Variants in TCF4 observed in about 807,000 individuals in gnomAD.
The protein encoded by TCF4 is SL3-3 enhancer factor 2.
TCF4 carries 3 observed loss-of-function variants against 82.1 expected under a neutral mutation model. The observed-to-expected ratio is 0.04, with a 90% CI of 0.02 to 0.09. The LOEUF is 0.09. Among genes scored for constraint, TCF4 ranks in the 10% least tolerant of loss-of-function variants. TCF4 has a pLI of 1.00. For synonymous variants in TCF4, 276 were observed against 309.6 expected, an observed-to-expected ratio of 0.89 and a Z score of 1.14; for missense variants, 518 against 852.7, an observed-to-expected ratio of 0.61 and a Z score of 4.89.
intron 3 of TCF4, among the ~76,000 whole-genome samples, chr18:55,535,459 A>T (rs1392081793): frequency 6.6e-6 from 1 of 152,216 alleles, no homozygotes; most frequent in African/African-American, 2.4e-5. Flanking sequence ...AGATTTTCAG[A>T]ACTGCTATAT....
At chr18:55,360,855 G>A (rs111422293) in intron 6 of TCF4, among the ~76,000 whole-genome samples, 1,519 of 150,952 alleles carry the variant, frequency 0.01, 15 homozygotes, top group Non-Finnish European at 0.017. Context: ...AGCCTCCCGA[G>A]TAGCTGGGCT....
intron 3 of TCF4, among the ~76,000 whole-genome samples, chr18:55,572,506 A>G (rs1398299302): frequency 6.6e-6 from 1 of 152,260 alleles, no homozygotes; most frequent in East Asian, 1.9e-4. Context: ...GGGAAGCTTC[A>G]TTTTGTTCCT....
intron 3 of TCF4, chr18:55,495,488 G>A (rs1394803134): frequency 6.6e-6 from 1 of 152,090 alleles, no homozygotes; most frequent in Non-Finnish European, 1.5e-5. Flanking sequence ...AATTATGAGA[G>A]TTGTTCAGCA....
chr18:55,585,947 C>G (rs2097640561), intron 2 of TCF4: 1 of 1,271,070 alleles, frequency 7.9e-7, no homozygotes, highest in Non-Finnish European at 1.0e-6. Context: ...CCCTCTTCTT[C>G]GACGTATCTA....
chr18:55,617,806 TCTAA>T (rs1341960005), intron 2 of TCF4, among the ~76,000 whole-genome samples: 2 of 140,458 alleles, frequency 1.4e-5, no homozygotes, highest in Non-Finnish European at 3.1e-5. Flanking sequence ...ATTCATTAAT[TCTAA>T]CTGTGTGTGT....
intron 6 of TCF4, among the ~76,000 whole-genome samples, chr18:55,375,577 T>G (rs1231397665): frequency 6.6e-6 from 1 of 152,126 alleles, no homozygotes; most frequent in African/African-American, 2.4e-5. Context: ...GAAAGACACT[T>G]TAAGAGACAA....
At chr18:55,608,369 A>ATTTT (rs746413576) in intron 2 of TCF4, among the ~76,000 whole-genome samples, 60 of 117,106 alleles carry the variant, frequency 5.1e-4, no homozygotes, top group East Asian at 7.4e-4. Flanking sequence ...TTGCCACAGT[A>ATTTT]TTTTTTTTTT....
In TCF4 at chr18:55,633,643, T is replaced by C. The variant is rs779862651; in HGVS notation, c.195+2060A>G. Among the ~76,000 whole-genome samples the C allele has an allele frequency of 3.3e-5, 5 of 151,986 alleles. No individual in the cohort carries two copies. The highest frequency in any genetic ancestry group is 7.4e-5 in the Non-Finnish European group (5 of 67,996). ...AAAGAAAGAGAGGCTAGAGCAGGGG[T>C]GGGCAAACTTTTTCTGTAAAGGGCC... On this transcript the variant is annotated intron_variant, in intron 1 of 20. Coordinates refer to the TCF4 transcript ENST00000398339. The surrounding 1 kb of genome is among the most constrained non-coding windows in gnomAD (Gnocchi z 4.0).
chr18:55,274,246 G>A (rs1315275248), intron 10 of TCF4, among the ~76,000 whole-genome samples: 1 of 152,066 alleles, frequency 6.6e-6, no homozygotes, highest in Admixed American at 6.6e-5. Context: ...CCAAATAGGA[G>A]GTGGGAAAAG....
At chr18:55,322,105 C>CTTTTTTTTTTTTTTTTTTTTTTTTTT (rs1213553765) in intron 8 of TCF4, 1 of 588,692 alleles carries the variant, frequency 1.7e-6, no homozygotes, top group Non-Finnish European at 2.1e-6. Context: ...TTTTTTTTTC[C>CTTTTTTTTTTTTTTTTTTTTTTTTTT]TTTTTTTTTT....
chr18:55,529,701 C>G (rs2097035920), intron 3 of TCF4, among the ~76,000 whole-genome samples: 1 of 152,184 alleles, frequency 6.6e-6, no homozygotes, highest in South Asian at 2.1e-4. Context: ...AGGAAAAACA[C>G]TGGCAACTCC....
At chr18:55,448,254 T>G (rs1291286637) in intron 5 of TCF4, among the ~76,000 whole-genome samples, 1 of 152,242 alleles carries the variant, frequency 6.6e-6, no homozygotes, top group East Asian at 1.9e-4. Context: ...GAGCACTTTA[T>G]TTTTCTACAG....
chr18:55,330,475 G>A (rs866036430), intron 8 of TCF4, among the ~76,000 whole-genome samples: 2 of 151,032 alleles, frequency 1.3e-5, no homozygotes, highest in Non-Finnish European at 2.9e-5. Flanking sequence ...ACCACGCCTG[G>A]CATGTTGGAT....
chr18:55,426,861 G>GACAC (rs879617774), intron 5 of TCF4, among the ~76,000 whole-genome samples: 1 of 151,004 alleles, frequency 6.6e-6, no homozygotes, highest in Non-Finnish European at 1.5e-5. Context: ...GACACACAAA[G>GACAC]ACACACACAC....
At chr18:55,459,207 A>G (rs990365843) in intron 5 of TCF4, among the ~76,000 whole-genome samples, 1 of 152,158 alleles carries the variant, frequency 6.6e-6, no homozygotes, top group African/African-American at 2.4e-5. Context: ...CCTAAACAAC[A>G]ACTAAGTGAA....
chr18:55,321,776 C>G (rs1269247560), intron 8 of TCF4: 4 of 1,514,576 alleles, frequency 2.6e-6, no homozygotes, highest in Non-Finnish European at 3.5e-6. Flanking sequence ...ACCACTCTAA[C>G]AACTTTTATT....
chr18:55,244,119 CA>C (rs1212511589), intron 15 of TCF4, among the ~76,000 whole-genome samples: 2 of 152,176 alleles, frequency 1.3e-5, no homozygotes, highest in Non-Finnish European at 2.9e-5. Context: ...CTCCAGCTCC[CA>C]GGGGAGGAGG....
chr18:55,527,585 G>A (rs571497872), intron 3 of TCF4, among the ~76,000 whole-genome samples: 3 of 152,206 alleles, frequency 2.0e-5, no homozygotes, highest in African/African-American at 4.8e-5. Context: ...CAAAATGCAC[G>A]AGGTATTTTT....
chr18:55,401,645 G>A, intron 6 of TCF4: 1 of 989,026 alleles, frequency 1.0e-6, no homozygotes, highest in South Asian at 4.6e-5. Flanking sequence ...CCCACAAACG[G>A]AGAAAGGAGG....
Sources: allele counts gnomAD v4.1 joint callset (sites outside exome capture counted in the v4.1 genomes callset), GRCh38; gene constraint gnomAD v4.1.1; non-coding constraint Gnocchi (gnomAD v3.1); transcripts MANE v1.5; gene names NCBI Gene and HGNC (gene_info 2026-07-23, HGNC 2026-07-21).